Variants in HYAL3 observed in about 807,000 individuals in gnomAD.
The protein encoded by HYAL3 is hyaluronidase 3.
HYAL3 carries 25 observed loss-of-function variants against 29.6 expected under a neutral mutation model. The observed-to-expected ratio is 0.85, with a 90% CI of 0.62 to 1.18. The LOEUF is 1.18. Among genes scored for constraint, HYAL3 ranks in the 50% most tolerant of loss-of-function variants. The pLI, the probability that HYAL3 is intolerant of heterozygous loss-of-function variation, is 0.00. For synonymous variants in HYAL3, 215 were observed against 218.3 expected, an observed-to-expected ratio of 0.99 and a Z score of 0.13; for missense variants, 442 against 548.4, an observed-to-expected ratio of 0.81 and a Z score of 1.94.
In HYAL3 at chr3:50,298,531, T is replaced by C. The variant is rs956246517; in HGVS notation, c.-18+682A>G. Among the ~76,000 whole-genome samples the C allele has an allele frequency of 5.3e-5, 8 of 151,440 alleles. No individual in the cohort carries two copies. In the Admixed American group the frequency reaches 5.3e-4, roughly 10 times the overall value. On this transcript the variant is annotated intron_variant, in intron 1 of 3. Transcript: ENST00000336307. ...TAGATAAGGACCACAGCTTCCTTCC[T>C]ATATCCACAGGGTGTCCAACGGTCA...
chr3:50,295,773 T>G, intron 1 of HYAL3, 154 bp from the exon 2 acceptor site: 1 of 488,238 alleles, frequency 2.0e-6, no homozygotes. Flanking sequence ...TTGGGCCTTT[T>G]AAAGCAGCCA....
In HYAL3 at chr3:50,295,132, G is replaced by A. The variant is rs1352231880; in HGVS notation, c.471C>T (p.Phe157=). Residue 157 remains phenylalanine, a synonymous_variant, in exon 2 of 4, where the codon TTC becomes TTT. Coordinates refer to ENST00000336307, the MANE Select transcript of HYAL3 (RefSeq NM_003549.4). ...AASWAWAQQV[F]PDLDPQEQLY... The stretch of plus-strand genomic sequence containing the variant: ...GCTGCTCCTGAGGGTCCAGGTCAGG[G>A]AATACCTGCTGTGCCCAAGCCCAAG... The A allele has an allele frequency of 6.2e-7, 1 of 1,613,590 alleles. No homozygotes were observed. The highest frequency in any genetic ancestry group is 8.5e-7 in the Non-Finnish European group (1 of 1,180,038).
intron 2 of HYAL3, 52 bp from the exon 3 acceptor site, chr3:50,293,773 G>A (rs781938694): frequency 2.8e-6 from 4 of 1,446,212 alleles, no homozygotes; most frequent in Non-Finnish European, 3.9e-6. Flanking sequence ...ATCCATGTGG[G>A]CACACATCCA....
In HYAL3 at chr3:50,297,210, C is replaced by A. The variant is rs1195074527; in HGVS notation, c.-17-1591G>T. ...GGAGTGCAGGCGGGAGGTGCGGCTG[C>A]GGGGCCACTGATCATTGATGAGGTC... On this transcript the variant is annotated intron_variant, in intron 1 of 3. Transcript: ENST00000336307. The surrounding 1 kb of genome is among the most constrained non-coding windows in gnomAD (Gnocchi z 4.3). The A allele has an allele frequency of 3.1e-6, 5 of 1,612,598 alleles. No homozygotes were observed. Among genetic ancestry groups the A allele is most frequent in the Middle Eastern group, 1.7e-4 (1 of 6,048 alleles).
rs996383887 is a variant in HYAL3 at position 50,299,404 on chromosome 3, A to C, written c.-209T>G. 60 of 1,305,836 alleles carry C rather than the reference A, an allele frequency of 4.6e-5. No individual in the cohort carries two copies. The highest frequency in any genetic ancestry group is 5.9e-5 in the Non-Finnish European group (56 of 953,528). 80.9% of individuals were successfully genotyped at this position (1,305,836 alleles called of 1,614,324 possible). On this transcript the variant is annotated 5_prime_UTR_variant, in exon 1 of 4. Coordinates refer to ENST00000336307, the MANE Select transcript of HYAL3 (RefSeq NM_003549.4). ...TCCCAGCACCCGCGCGTCGCCGCTT[A>C]GAACCCGCCCCTGGTTTGCGCGTCA...
chr3:50,296,557 G>A, intron 1 of HYAL3: 3 of 1,586,820 alleles, frequency 1.9e-6, no homozygotes, highest in Non-Finnish European at 2.6e-6. Context: ...TAGACTGTCG[G>A]GGCAGTCTAT....
chr3:50,298,958 G>T, intron 1 of HYAL3: 1 of 1,432,292 alleles, frequency 7.0e-7, no homozygotes, highest in African/African-American at 1.4e-5. Flanking sequence ...TGTGGGCGGG[G>T]CTCCGGGGTC....
chr3:50,298,993 T>C, intron 1 of HYAL3: 1 of 1,465,448 alleles, frequency 6.8e-7, no homozygotes, highest in Non-Finnish European at 9.0e-7. Context: ...TCTCCGTCTC[T>C]CCCGGGCCTC....
In HYAL3 at chr3:50,297,574, T is replaced by C; in HGVS notation, c.-18+1639A>G. ...AGCTGAGTCAGGCTGGGAGCCAAGG[T>C]CACCTGCTGCTAGGTTGCAGGTGGC... On this transcript the variant is annotated intron_variant, in intron 1 of 3. Coordinates refer to ENST00000336307, the MANE Select transcript of HYAL3 (RefSeq NM_003549.4). The surrounding 1 kb of genome is among the most constrained non-coding windows in gnomAD (Gnocchi z 4.3). 1 of 1,493,336 alleles carries C rather than the reference T, an allele frequency of 6.7e-7. No individual in the cohort carries two copies. Among genetic ancestry groups the C allele is most frequent in the Non-Finnish European group, 8.9e-7 (1 of 1,122,582 alleles). The allele number at this position is 1,493,336 out of a possible 1,614,324, so 92.5% of individuals were successfully genotyped here. A position where few individuals can be genotyped will look rare whatever the true frequency, so the allele number is the denominator to read the frequency against.
In HYAL3 at chr3:50,297,434, A is replaced by C. The variant is rs782299613; in HGVS notation, c.-18+1779T>G. 6.2e-7 allele frequency: 1 copy of C among 1,611,752 alleles called. No homozygotes were observed. The highest frequency in any genetic ancestry group is 8.5e-7 in the Non-Finnish European group (1 of 1,178,824). On this transcript the variant is annotated intron_variant, in intron 1 of 3. Transcript: ENST00000336307. The surrounding 1 kb of genome is among the most constrained non-coding windows in gnomAD (Gnocchi z 4.3). ...GGCACGCAGGATCCAGAGTCAGCTC[A>C]GCTGGGCTGGTACTCAGGATCAGCT... is the stretch of plus-strand genomic sequence containing the variant.
At chr3:50,296,450 C>T in intron 1 of HYAL3, 1 of 865,354 alleles carries the variant, frequency 1.2e-6, no homozygotes, top group Non-Finnish European at 1.8e-6. Flanking sequence ...TGAGCCAGAG[C>T]CACCTCCTGG....
At chr3:50,299,042 G>A in intron 1 of HYAL3, 171 bp downstream of exon 1, 2 of 1,561,544 alleles carry the variant, frequency 1.3e-6, no homozygotes, top group South Asian at 1.2e-5. Context: ...AGGCTGTGGA[G>A]CTTTTGGGAA....
intron 1 of HYAL3, 124 bp downstream of exon 1, chr3:50,299,089 G>A (rs1702006859): frequency 8.1e-6 from 13 of 1,604,114 alleles, no homozygotes; most frequent in Non-Finnish European, 1.0e-5. Flanking sequence ...GGGCAGGTGT[G>A]GCTCGGCATG....
Position 50,297,243 on chromosome 3 carries a change from G to A in HYAL3, c.-17-1624C>T, listed in dbSNP as rs1019840790. The A allele has an allele frequency of 1.9e-6, 3 of 1,611,738 alleles. No homozygotes were observed. The highest frequency in any genetic ancestry group is 2.5e-6 in the Non-Finnish European group (3 of 1,178,462). ...CTGATCATTGATGAGGTCAGCACAA[G>A]CATCCAGGAGCTCGGGTCGGCGGTG... On this transcript the variant is annotated intron_variant, in intron 1 of 3. Coordinates refer to ENST00000336307, the MANE Select transcript of HYAL3 (RefSeq NM_003549.4). The surrounding 1 kb of genome is among the most constrained non-coding windows in gnomAD (Gnocchi z 4.3).
At chr3:50,296,895 A>G in intron 1 of HYAL3, 1 of 1,608,628 alleles carries the variant, frequency 6.2e-7, no homozygotes, top group East Asian at 2.2e-5. Flanking sequence ...AGGCTCACCC[A>G]GCTGGTAGCC....
chr3:50,299,253 C>G lies in HYAL3; in HGVS notation c.-58G>C. On this transcript the variant is annotated 5_prime_UTR_variant, in exon 1 of 4. Transcript: ENST00000336307. ...TCTGGGATGTTCCGCGTCCTAGCTC[C>G]GCACAGCTGGGTATCTCACTCAGTC... is the stretch of plus-strand genomic sequence containing the variant. The G allele has an allele frequency of 3.7e-6, 6 of 1,614,022 alleles. No homozygotes were observed. Among genetic ancestry groups the G allele is most frequent in the South Asian group, 1.1e-5 (1 of 91,082 alleles).
rs971778250 is a variant in HYAL3 at position 50,294,626 on chromosome 3, C to T, written c.894+83G>A. The T allele has an allele frequency of 3.2e-6, 4 of 1,259,900 alleles. No individual in the cohort carries two copies. In the African/African-American group the frequency reaches 4.5e-5, roughly 14 times the overall value. The allele number at this position is 1,259,900 out of a possible 1,614,324, so 78.0% of individuals were successfully genotyped here. A position where few individuals can be genotyped will look rare whatever the true frequency, so the allele number is the denominator to read the frequency against. ...AGAACGCCTAGATTAGGACCAACCC[C>T]TAGGCAAGGTCTTCTCCTGGGACCT... On this transcript the variant is annotated intron_variant, in intron 2 of 3. Transcript: ENST00000336307.
chr3:50,299,008 T>TC, intron 1 of HYAL3: 1 of 1,478,730 alleles, frequency 6.8e-7, no homozygotes, highest in Non-Finnish European at 9.0e-7. Flanking sequence ...GGCCTCGGTT[T>TC]CCCCCTCCCT....
intron 1 of HYAL3, chr3:50,298,061 C>T: frequency 1.0e-6 from 1 of 985,670 alleles, no homozygotes; most frequent in Non-Finnish European, 1.2e-6. Flanking sequence ...CTTCTGTCTT[C>T]CAGTAGTCCT....
Sources: allele counts gnomAD v4.1 joint callset (sites outside exome capture counted in the v4.1 genomes callset), GRCh38; gene constraint gnomAD v4.1.1; non-coding constraint Gnocchi (gnomAD v3.1); transcripts MANE v1.5; gene names NCBI Gene and HGNC (gene_info 2026-07-23, HGNC 2026-07-21).